The following ABI1 variants were observed in gnomAD, a reference collection of about 807,000 sequenced individuals.
The protein encoded by ABI1 is abl interactor 1, also known as Abelson interactor 1.
In ABI1, 14 loss-of-function variants were observed where a neutral mutation model predicts 54.6. The observed-to-expected ratio is 0.26, with a 90% CI of 0.17 to 0.40. The LOEUF is 0.40. Among genes scored for constraint, ABI1 ranks in the 10% least tolerant of loss-of-function variants. ABI1 has a pLI of 1.00. For synonymous variants in ABI1, 194 were observed against 209.3 expected (o/e 0.93, Z 0.63); for missense variants, 443 against 598.3 (o/e 0.74, Z 2.71).
chr10:26,859,575 TAC>T (rs2134397532), intron 1 of ABI1, among the ~76,000 whole-genome samples: 1 of 152,362 alleles, frequency 6.6e-6, no homozygotes, highest in African/African-American at 2.4e-5. Flanking sequence ...ACTGTTGGTT[TAC>T]ACAGTTAAAG....
chr10:26,747,987 T>G lies in ABI1; in HGVS notation c.*583A>C, dbSNP rs1564446076. Reference sequence around the variant, plus strand: ...ACAGATAATTCTCTTTTTGCTTGTTTCACATGGAGACCTTGGAGACTCAAT... The same window carrying G: ...ACAGATAATTCTCTTTTTGCTTGTTGCACATGGAGACCTTGGAGACTCAAT... On this transcript the variant is annotated 3_prime_UTR_variant, in exon 11 of 11. Transcript: ENST00000376140. 9.8e-6 allele frequency: 2 copies of G among 203,234 alleles called. No individual in the cohort carries two copies. Among genetic ancestry groups the G allele is most frequent in the Non-Finnish European group, 2.0e-5 (2 of 99,344 alleles). The allele number at this position is 203,234 out of a possible 1,614,324, so 12.6% of individuals were successfully genotyped here.
chr10:26,822,831 C>T (rs905513110), intron 2 of ABI1, among the ~76,000 whole-genome samples: 10 of 152,000 alleles, frequency 6.6e-5, no homozygotes, highest in African/African-American at 1.9e-4. Context: ...TCTTTATGTA[C>T]AAATAACTTT....
intron 1 of ABI1, among the ~76,000 whole-genome samples, chr10:26,858,405 C>T (rs1259192458): frequency 4.0e-5 from 6 of 151,638 alleles, no homozygotes; most frequent in South Asian, 2.1e-4. Context: ...TGCAGCCCAA[C>T]GTATAAAGGC....
chr10:26,789,970 T>C (rs752380699), intron 2 of ABI1, among the ~76,000 whole-genome samples: 2 of 152,260 alleles, frequency 1.3e-5, no homozygotes. Flanking sequence ...TCATTCTTTT[T>C]TGATGGCTGC....
chr10:26,795,150 A>AAC (rs1417813279), intron 2 of ABI1, among the ~76,000 whole-genome samples: 1 of 151,942 alleles, frequency 6.6e-6, no homozygotes, highest in Non-Finnish European at 1.5e-5. Context: ...TCAAAAAAAA[A>AAC]AAAAAACCAA....
chr10:26,835,615 TAC>T (rs144455739), intron 1 of ABI1, among the ~76,000 whole-genome samples: 33 of 149,342 alleles, frequency 2.2e-4, no homozygotes, highest in Non-Finnish European at 2.8e-4. Flanking sequence ...TAATTTTAAA[TAC>T]ACACACACAC....
intron 1 of ABI1, among the ~76,000 whole-genome samples, chr10:26,838,388 G>GAA (rs2049248906): frequency 6.6e-6 from 1 of 152,090 alleles, no homozygotes; most frequent in Admixed American, 6.6e-5. Flanking sequence ...CTAAACATCA[G>GAA]AATCAGTTTA....
intron 7 of ABI1, among the ~76,000 whole-genome samples, chr10:26,759,791 T>C (rs1003563011): frequency 6.6e-6 from 1 of 152,206 alleles, no homozygotes; most frequent in East Asian, 1.9e-4. Context: ...TTTTGAGTTT[T>C]TATTGAATTA....
intron 2 of ABI1, among the ~76,000 whole-genome samples, chr10:26,803,218 A>C (rs911565592): frequency 6.6e-6 from 1 of 152,144 alleles, no homozygotes; most frequent in African/African-American, 2.4e-5. Flanking sequence ...ACAGAATATG[A>C]GGGAAAAAAA....
chr10:26,778,066 G>A lies in ABI1; in HGVS notation c.286-825C>T, dbSNP rs368368501. ...TACAAAGGATAAACAGGAGTCAAGA[G>A]GTAGATATGAAAAATATTAAAGGCA... On this transcript the variant is annotated intron_variant, in intron 2 of 10. Coordinates refer to ENST00000376140, the MANE Select transcript of ABI1 (RefSeq NM_001012750.3). 4.6e-5 allele frequency among the ~76,000 whole-genome samples: 7 copies of A among 151,970 alleles called. No homozygotes were observed. The East Asian group carries it at 5.8e-4, about 13-fold the overall frequency.
At chr10:26,857,867 A>G (rs1282989894) in intron 1 of ABI1, among the ~76,000 whole-genome samples, 3 of 140,384 alleles carry the variant, frequency 2.1e-5, no homozygotes, top group African/African-American at 3.2e-5. Context: ...AAAAAAAAAG[A>G]AAGAAAAAAA....
At chr10:26,849,663 A>G (rs533253157) in intron 1 of ABI1, among the ~76,000 whole-genome samples, 152 of 152,380 alleles carry the variant, frequency 1.0e-3, no homozygotes, top group Non-Finnish European at 1.8e-3. Context: ...CTTCAAGGAA[A>G]ATAACTGGTA....
intron 2 of ABI1, among the ~76,000 whole-genome samples, chr10:26,791,194 A>G (rs536583419): frequency 3.3e-5 from 5 of 152,292 alleles, no homozygotes; most frequent in Non-Finnish European, 7.4e-5. Flanking sequence ...AATATGGAAC[A>G]TAACATAATC....
In ABI1 at chr10:26,751,925, G is replaced by A. The variant is rs1837686995; in HGVS notation, c.1085-142C>T. The A allele has an allele frequency of 2.5e-5, 20 of 791,836 alleles. 1 individual carries two copies. The South Asian group carries it at 4.4e-4, about 17-fold the overall frequency. 49.1% of individuals were successfully genotyped at this position (791,836 alleles called of 1,614,324 possible). A position where few individuals can be genotyped will look rare whatever the true frequency, so the allele number is the denominator to read the frequency against. On this transcript the variant is annotated intron_variant, in intron 9 of 10. Coordinates refer to ENST00000376140, the MANE Select transcript of ABI1 (RefSeq NM_001012750.3). ...CAATGATTAGAAATAAAAGCTTGGT[G>A]TGTTAAAGTTTATGCTACTCAAGAA...
intron 1 of ABI1, among the ~76,000 whole-genome samples, chr10:26,836,174 G>A (rs545555683): frequency 2.9e-4 from 44 of 151,922 alleles, no homozygotes; most frequent in African/African-American, 5.3e-4. Context: ...GTGTAGTGGC[G>A]CAATCTCAGC....
At chr10:26,827,597 T>TG (rs71403892) in intron 1 of ABI1, among the ~76,000 whole-genome samples, 1 of 6,608 alleles carries the variant, frequency 1.5e-4, no homozygotes, top group African/African-American at 6.0e-4. Flanking sequence ...CTGTTTTTTG[T>TG]TTTTTTTTTT....
chr10:26,830,001 C>T (rs1466066506), intron 1 of ABI1, among the ~76,000 whole-genome samples: 2 of 152,178 alleles, frequency 1.3e-5, no homozygotes, highest in Non-Finnish European at 2.9e-5. Flanking sequence ...CACTGACTTC[C>T]TTTCTGTCAC....
At chr10:26,793,030 G>C (rs1222597346) in intron 2 of ABI1, among the ~76,000 whole-genome samples, 1 of 152,100 alleles carries the variant, frequency 6.6e-6, no homozygotes, top group East Asian at 1.9e-4. Flanking sequence ...CATCTCAGAA[G>C]GCCTACTATC....
Position 26,860,868 on chromosome 10 carries a change from C to A in ABI1, c.-5G>T. ...TAACATCTGCAGCTCTGCCATTTTC[C>A]ACCCCTCTGCATCGCTTCCTCTCGC... On this transcript the variant is annotated 5_prime_UTR_variant, in exon 1 of 11. An upstream open reading frame in the 5' UTR gains an earlier in-frame stop. Transcript: ENST00000376140. This position sits in a 1 kb window ranked among gnomAD's most constrained non-coding sequence, Gnocchi z 4.1. 1.9e-6 allele frequency: 3 copies of A among 1,612,560 alleles called. No homozygotes were observed. Among genetic ancestry groups the A allele is most frequent in the Non-Finnish European group, 2.5e-6 (3 of 1,178,636 alleles).
Sources: allele counts gnomAD v4.1 joint callset (sites outside exome capture counted in the v4.1 genomes callset), GRCh38; gene constraint gnomAD v4.1.1; non-coding constraint Gnocchi (gnomAD v3.1); transcripts MANE v1.5; gene names NCBI Gene and HGNC (gene_info 2026-07-23, HGNC 2026-07-21).